The following GLIS3 variants were observed in gnomAD, a reference collection of about 807,000 sequenced individuals.
GLIS3 encodes GLIS family zinc finger 3.
Under a neutral mutation model 78.6 loss-of-function variants are expected in GLIS3, and 53 were observed. That is an observed-to-expected ratio of 0.67 (90% confidence interval 0.54 to 0.85). The LOEUF (loss-of-function observed/expected upper bound fraction) is 0.85. Among genes scored for constraint, GLIS3 ranks in the 40% least tolerant of loss-of-function variants. The pLI is 0.00. For synonymous variants in GLIS3, 684 were observed against 509.9 expected, an observed-to-expected ratio of 1.34 and a Z score of -4.60; for missense variants, 1,703 against 1,231.1, an observed-to-expected ratio of 1.38 and a Z score of -5.74.
chr9:4,029,485 G>A (rs988950825), intron 4 of GLIS3, among the ~76,000 whole-genome samples: 43 of 152,100 alleles, frequency 2.8e-4, no homozygotes, highest in African/African-American at 1.0e-3. Flanking sequence ...ATTTAAAAAT[G>A]TACAATTAAA....
chr9:4,187,311 T>A (rs553206729), intron 2 of GLIS3, among the ~76,000 whole-genome samples: 1 of 152,242 alleles, frequency 6.6e-6, no homozygotes, highest in Non-Finnish European at 1.5e-5. Context: ...CTTGTAGATA[T>A]GCTGCGTTAT....
At chr9:4,213,172 G>A (rs575783533) in intron 2 of GLIS3, among the ~76,000 whole-genome samples, 152 of 152,166 alleles carry the variant, frequency 1.0e-3, no homozygotes, top group African/African-American at 3.5e-3. Context: ...TCTTATTCTA[G>A]CCCTTTCTAC....
the GLIS3 span, among the ~76,000 whole-genome samples, chr9:4,354,113 G>C: frequency 6.6e-6 from 1 of 151,886 alleles, no homozygotes; most frequent in African/African-American, 2.4e-5. Context: ...TGGGATTACA[G>C]GCGTGAGCCA....
At chr9:4,469,992 C>A in the GLIS3 span, among the ~76,000 whole-genome samples, 1 of 151,022 alleles carries the variant, frequency 6.6e-6, no homozygotes, top group African/African-American at 2.4e-5. Context: ...CATCAGAGAA[C>A]AGAAAATCTA....
At chr9:4,251,546 G>A (rs890380363) in intron 2 of GLIS3, among the ~76,000 whole-genome samples, 1 of 151,712 alleles carries the variant, frequency 6.6e-6, no homozygotes, top group African/African-American at 2.4e-5. Flanking sequence ...ACACCAATGA[G>A]TCTTGAGTCT....
chr9:4,069,167 CAGAGGAGA>C (rs1827374147), intron 4 of GLIS3, among the ~76,000 whole-genome samples: 2 of 152,138 alleles, frequency 1.3e-5, no homozygotes, highest in Non-Finnish European at 1.5e-5. Flanking sequence ...ACCTGCCGAG[CAGAGGAGA>C]TTTCTAAGAT....
intron 2 of GLIS3, among the ~76,000 whole-genome samples, chr9:4,263,482 A>G (rs1825712861): frequency 6.7e-6 from 1 of 149,736 alleles, no homozygotes; most frequent in African/African-American, 2.5e-5. Flanking sequence ...AGAAAAATAA[A>G]GTCTAAGACA....
the GLIS3 span, among the ~76,000 whole-genome samples, chr9:4,370,794 C>T: frequency 2.0e-5 from 3 of 151,890 alleles, no homozygotes; most frequent in African/African-American, 2.4e-5. Context: ...TCTCAACGTA[C>T]ATTGGAAATT....
intron 2 of GLIS3, among the ~76,000 whole-genome samples, chr9:4,179,923 T>A (rs1016561390): frequency 4.3e-5 from 6 of 139,586 alleles, no homozygotes; most frequent in African/African-American, 1.1e-4. Context: ...AAAAAAAAAA[T>A]TAATTTCTAG....
At chr9:4,078,048 T>C (rs1368929766) in intron 4 of GLIS3, among the ~76,000 whole-genome samples, 10 of 152,210 alleles carry the variant, frequency 6.6e-5, no homozygotes, top group Admixed American at 6.5e-4. Context: ...ACTGGTGTGA[T>C]TCCAGTCTCT....
At chr9:4,235,567 T>A (rs1054684645) in intron 2 of GLIS3, among the ~76,000 whole-genome samples, 1 of 152,194 alleles carries the variant, frequency 6.6e-6, no homozygotes, top group Admixed American at 6.5e-5. Flanking sequence ...CAGTTACTCC[T>A]ACCGGCTCTA....
chr9:4,026,740 C>G (rs545041616), intron 4 of GLIS3, among the ~76,000 whole-genome samples: 11 of 152,274 alleles, frequency 7.2e-5, no homozygotes, highest in African/African-American at 1.7e-4. Flanking sequence ...CATTAAAGCA[C>G]TTCTACCAAT....
chr9:3,909,725 G>C (rs1050057381), intron 6 of GLIS3, among the ~76,000 whole-genome samples: 15 of 152,138 alleles, frequency 9.9e-5, no homozygotes, highest in African/African-American at 3.6e-4. Context: ...ATGATTTATG[G>C]AAATTGTTCA....
At chr9:4,005,743 G>T (rs1378551240) in intron 4 of GLIS3, among the ~76,000 whole-genome samples, 1 of 152,126 alleles carries the variant, frequency 6.6e-6, no homozygotes, top group African/African-American at 2.4e-5. Context: ...TCTGCCAACA[G>T]AATGAATTCA....
chr9:3,915,287 A>G (rs1824432754), intron 6 of GLIS3, among the ~76,000 whole-genome samples: 1 of 152,146 alleles, frequency 6.6e-6, no homozygotes, highest in Admixed American at 6.5e-5. Flanking sequence ...CCCTCTCAAA[A>G]AAACAAAATT....
intron 2 of GLIS3, 93 bp downstream of exon 2, chr9:4,285,945 A>G (rs1282351113): frequency 1.4e-6 from 2 of 1,430,914 alleles, no homozygotes; most frequent in African/African-American, 1.4e-5. Flanking sequence ...ACACTGAATC[A>G]TGTATTTTTC....
intron 8 of GLIS3, among the ~76,000 whole-genome samples, chr9:3,858,877 C>T (rs1433186193): frequency 6.6e-6 from 1 of 152,112 alleles, no homozygotes; most frequent in Non-Finnish European, 1.5e-5. Flanking sequence ...TTTTCAAGTA[C>T]GGCAGATAGA....
At chr9:4,058,987 CAAAAAAAA>C (rs111956039) in intron 4 of GLIS3, among the ~76,000 whole-genome samples, 2 of 130,680 alleles carry the variant, frequency 1.5e-5, no homozygotes, top group Admixed American at 7.7e-5. Context: ...ATCTCAAAAA[CAAAAAAAA>C]AAAAAGAAAA....
intron 4 of GLIS3, among the ~76,000 whole-genome samples, chr9:4,050,530 G>A (rs182127594): frequency 4.3e-4 from 66 of 152,084 alleles, no homozygotes; most frequent in African/African-American, 1.5e-3. Context: ...AAGCCAACAT[G>A]GCACATGTAT....
Sources: gnomAD v4.1 joint callset for allele counts (sites outside exome capture counted in the v4.1 genomes callset) on GRCh38, gnomAD v4.1.1 for gene constraint, MANE v1.5 for transcripts, NCBI Gene and HGNC (gene_info 2026-07-23, HGNC 2026-07-21) for gene names.